Variants in BEND2 observed in about 807,000 individuals in gnomAD.
BEND2 encodes the protein BEN domain containing 2.
Under a neutral mutation model 43.8 loss-of-function variants are expected in BEND2, and 19 were observed. The ratio of observed to expected loss-of-function variants is 0.43; its 90% CI spans 0.30 to 0.64. BEND2 has a LOEUF of 0.64. Ranked by LOEUF, BEND2 falls within the 30% of genes least tolerant of loss-of-function variation. BEND2 has a pLI of 0.11. For synonymous variants in BEND2, 226 were observed against 210.1 expected (o/e 1.08, Z -0.66); for missense variants, 544 against 574.0 (o/e 0.95, Z 0.53).
In BEND2 at chrX:18,213,779, C is replaced by G; in HGVS notation, c.371G>C (p.Cys124Ser). The change falls in exon 3 of 14, where the codon TGC (cysteine) becomes TCC (serine). Residue 124 changes from cysteine to serine, a missense_variant. By Grantham distance (112) the Cys-to-Ser change is moderately radical (BLOSUM62 -1). Coordinates refer to ENST00000380033, the MANE Select transcript of BEND2 (RefSeq NM_153346.5). ...SSWDDRRTPP[C>S]PVAHGDQIVS... is the part of the protein sequence containing the mutation. ...ATAAAAATAAAAATAAATACCTGGG[C>G]ATGGTGGCGTGCGCCTGTCATCCCA... is the stretch of plus-strand genomic sequence containing the variant. The G allele has an allele frequency of 6.0e-6, 1 of 165,493 alleles. No homozygotes were observed. Among genetic ancestry groups the G allele is most frequent in the Non-Finnish European group, 1.2e-5 (1 of 86,709 alleles). 13.6% of individuals were successfully genotyped at this position (165,493 alleles called of 1,213,427 possible).
At chrX:18,206,028 G>A (rs1925321426) in intron 4 of BEND2, among the ~76,000 whole-genome samples, 1 of 111,735 alleles carries the variant, frequency 8.9e-6, no homozygotes, top group Non-Finnish European at 1.9e-5. Flanking sequence ...GTGCTTCAAT[G>A]TCCTCATGTA....
chrX:18,202,476 C>T (rs1925198691), intron 5 of BEND2, among the ~76,000 whole-genome samples: 1 of 111,738 alleles, frequency 8.9e-6, no homozygotes, highest in Non-Finnish European at 1.9e-5. Context: ...GATGGAGGCC[C>T]TTATAAAAGA....
At chrX:18,185,086 T>C (rs1204576383) in intron 8 of BEND2, among the ~76,000 whole-genome samples, 8 of 109,504 alleles carry the variant, frequency 7.3e-5, no homozygotes, top group African/African-American at 2.7e-4. Flanking sequence ...TTAGTGAGCT[T>C]GAAGACAGGC....
intron 1 of BEND2, among the ~76,000 whole-genome samples, 189 bp downstream of exon 1, chrX:18,220,537 A>G (rs1283824179): frequency 1.8e-5 from 2 of 111,735 alleles, no homozygotes; most frequent in Non-Finnish European, 3.8e-5. Flanking sequence ...CACCACGCCA[A>G]ATTTCCCACC....
rs768895063 is a variant in BEND2, at chrX:18,176,180, A to G, written c.1631-87T>C. 185 of 862,856 alleles carry G rather than the reference A, an allele frequency of 2.1e-4. 1 individual carries two copies. The East Asian group carries it at 5.0e-3, about 23-fold the overall frequency. 71.1% of individuals were successfully genotyped at this position (862,856 alleles called of 1,213,427 possible). A position where few individuals can be genotyped will look rare whatever the true frequency, so the allele number is the denominator to read the frequency against. On this transcript the variant is annotated intron_variant, in intron 10 of 13. Transcript: ENST00000380033. ...TTTTTTTCTTTAAACACTGACTTTTAGATGGTTACATTGTGTAATGGTGAG... is the reference window on the plus strand; with the variant it reads ...TTTTTTTCTTTAAACACTGACTTTTGGATGGTTACATTGTGTAATGGTGAG...
intron 6 of BEND2, among the ~76,000 whole-genome samples, chrX:18,197,216 C>T (rs1924983644): frequency 1.8e-5 from 2 of 111,771 alleles, no homozygotes; most frequent in Non-Finnish European, 3.8e-5. Context: ...GGGTAGATCA[C>T]CTAAGGTCAG....
rs192282941 is a variant in BEND2, at chrX:18,164,733, A to G, written c.*276T>C. The G allele has an allele frequency of 2.0e-4, 51 of 256,692 alleles. No homozygotes were observed. Among genetic ancestry groups the G allele is most frequent in the African/African-American group, 1.4e-3 (50 of 35,469 alleles). 21.2% of individuals were successfully genotyped at this position (256,692 alleles called of 1,213,427 possible). A position where few individuals can be genotyped will look rare whatever the true frequency, so the allele number is the denominator to read the frequency against. On this transcript the variant is annotated 3_prime_UTR_variant, in exon 14 of 14. Transcript: ENST00000380033. The stretch of plus-strand genomic sequence containing the variant: ...AAAAAAACAAAGTATATTAATGTCA[A>G]TTATCTAAGTCAAAGCCATGGGTCA...
At chrX:18,165,259 C>T (rs766441115) in intron 13 of BEND2, 36 bp from the exon 14 acceptor site, 25 of 1,067,677 alleles carry the variant, frequency 2.3e-5, no homozygotes, top group Non-Finnish European at 2.9e-5. Flanking sequence ...CAGTTACTTG[C>T]AAATCACTTC....
chrX:18,171,074 G>C lies in BEND2; in HGVS notation c.2112C>G (p.Val704=), dbSNP rs1443443311. The C allele has an allele frequency of 8.3e-7, 1 of 1,211,951 alleles. No individual in the cohort carries two copies. ...IQKLFTKDVL[V]QSNVYGNLKH... ...TCAGATTGCCATAGACGTTACTTTGGACCAGGACATCTTTTGTGAAGAGTT... is the reference window on the plus strand; with the variant it reads ...TCAGATTGCCATAGACGTTACTTTGCACCAGGACATCTTTTGTGAAGAGTT... Residue 704 remains valine, a synonymous_variant, in exon 13 of 14, where the codon GTC becomes GTG. Transcript: ENST00000380033.
chrX:18,179,180 T>C (rs138612028), intron 9 of BEND2, among the ~76,000 whole-genome samples: 4 of 79,863 alleles, frequency 5.0e-5, no homozygotes, highest in African/African-American at 1.6e-4. Context: ...TTTGTTTCTG[T>C]TTTTTTTTTT....
chrX:18,216,759 A>G, intron 1 of BEND2, 26 bp from the exon 2 acceptor site: 1 of 1,054,855 alleles, frequency 9.5e-7, no homozygotes, highest in Middle Eastern at 3.1e-4. Context: ...GAGGAAGATT[A>G]GATTCAATAT....
In BEND2 at chrX:18,207,126, C is replaced by T. The variant is rs897247758; in HGVS notation, c.493-3211G>A. Among the ~76,000 whole-genome samples the T allele has an allele frequency of 5.4e-5, 6 of 111,159 alleles. No homozygotes were observed. In the East Asian group the frequency reaches 1.4e-3, roughly 27 times the overall value. ...GAACCTGCTCCCTCCCTTCCCAGCT[C>T]GCCTCTGCACCCACTTCCCCCCAAG... On this transcript the variant is annotated intron_variant, in intron 4 of 13. Coordinates refer to ENST00000380033, the MANE Select transcript of BEND2 (RefSeq NM_153346.5).
chrX:18,167,737 G>T (rs1602022415), intron 13 of BEND2, among the ~76,000 whole-genome samples: 1 of 110,572 alleles, frequency 9.0e-6, no homozygotes, highest in Non-Finnish European at 1.9e-5. Context: ...GCTAATTTTT[G>T]TATTTTTTGT....
intron 3 of BEND2, 135 bp from the exon 4 acceptor site, chrX:18,212,815 T>C: frequency 2.4e-6 from 1 of 414,597 alleles, no homozygotes; most frequent in Non-Finnish European, 4.2e-6. Context: ...ACAAGAATTC[T>C]TCCATGACCA....
At chrX:18,181,713 T>C (rs1317459338) in intron 8 of BEND2, among the ~76,000 whole-genome samples, 1 of 111,680 alleles carries the variant, frequency 9.0e-6, no homozygotes, top group Admixed American at 9.5e-5. Flanking sequence ...CACATACGTA[T>C]ACAGTAACAC....
chrX:18,169,056 T>A (rs2147387250), intron 13 of BEND2, among the ~76,000 whole-genome samples: 1 of 110,203 alleles, frequency 9.1e-6, no homozygotes, highest in South Asian at 3.9e-4. Context: ...CTTGAGCCCA[T>A]GAGTTTGAGG....
intron 13 of BEND2, among the ~76,000 whole-genome samples, chrX:18,169,975 A>C (rs1010897733): frequency 4.5e-5 from 5 of 112,107 alleles, no homozygotes; most frequent in South Asian, 3.7e-4. Flanking sequence ...AAAAAAAGGT[A>C]ATTGGAAAGA....
At chrX:18,173,886 A>G (rs1173762758) in intron 12 of BEND2, 144 bp downstream of exon 12, 1 of 511,477 alleles carries the variant, frequency 2.0e-6, no homozygotes, top group Non-Finnish European at 3.2e-6. Flanking sequence ...AAAAGACATT[A>G]AATTATTTCA....
chrX:18,183,771 C>T (rs781747180), intron 8 of BEND2, among the ~76,000 whole-genome samples: 34 of 112,084 alleles, frequency 3.0e-4, no homozygotes, highest in South Asian at 2.2e-3. Flanking sequence ...CAAGGAGAGA[C>T]TTCTCTGCTT....
Sources: gnomAD v4.1 joint callset for allele counts (sites outside exome capture counted in the v4.1 genomes callset) on GRCh38, gnomAD v4.1.1 for gene constraint, MANE v1.5 for transcripts, NCBI Gene and HGNC (gene_info 2026-07-23, HGNC 2026-07-21) for gene names.